AGBL4: variants seen among roughly 807,000 people sequenced by gnomAD.
AGBL4 encodes AGBL carboxypeptidase 4.
A neutral mutation model predicts 66.4 loss-of-function variants in AGBL4; 58 were observed. The observed-to-expected ratio is 0.87, with a 90% confidence interval of 0.71 to 1.09. AGBL4 has a LOEUF of 1.09. Among genes scored for constraint, AGBL4 ranks in the 50% least tolerant of loss-of-function variants. AGBL4 has a pLI of 0.00. For synonymous variants in AGBL4, 234 were observed against 222.9 expected, an observed-to-expected ratio of 1.05 and a Z score of -0.44; for missense variants, 579 against 631.0, an observed-to-expected ratio of 0.92 and a Z score of 0.88.
chr1:49,735,300 T>TGTGG (rs1455898258), intron 2 of AGBL4, among the ~76,000 whole-genome samples: 1 of 131,510 alleles, frequency 7.6e-6, no homozygotes, highest in African/African-American at 3.0e-5. Flanking sequence ...TGTGTGGGTG[T>TGTGG]GTGTGTGTGT....
In AGBL4 at chr1:48,977,494, C is replaced by T. The variant is rs564154559; in HGVS notation, c.594+68090G>A. 1.2e-4 allele frequency among the ~76,000 whole-genome samples: 18 copies of T among 152,056 alleles called. No individual in the cohort carries two copies. In the East Asian group the frequency reaches 3.1e-3, roughly 26 times the overall value. The stretch of plus-strand genomic sequence containing the variant: ...CTCACACAGTGAGAACATAGACATC[C>T]GAGACTCAAGGGTGGAAATGAGATT... On this transcript the variant is annotated intron_variant, in intron 5 of 13. Transcript: ENST00000371839.
chr1:48,571,542 T>G (rs1437325053), intron 11 of AGBL4, among the ~76,000 whole-genome samples: 2 of 152,256 alleles, frequency 1.3e-5, no homozygotes, highest in African/African-American at 4.8e-5. Context: ...ACACTCATGT[T>G]GGCATCTGCT....
chr1:49,765,544 T>C (rs1393100187), intron 2 of AGBL4, among the ~76,000 whole-genome samples: 2 of 152,140 alleles, frequency 1.3e-5, no homozygotes, highest in African/African-American at 4.8e-5. Context: ...ATGAAAAATC[T>C]CAATGCTGTG....
intron 2 of AGBL4, among the ~76,000 whole-genome samples, chr1:49,742,400 G>C (rs1271550808): frequency 6.6e-6 from 1 of 152,166 alleles, no homozygotes; most frequent in African/African-American, 2.4e-5. Flanking sequence ...CGAAATAAAA[G>C]AGAATACAAA....
chr1:49,101,763 T>A (rs1645206559), intron 4 of AGBL4, among the ~76,000 whole-genome samples: 1 of 152,150 alleles, frequency 6.6e-6, no homozygotes, highest in Non-Finnish European at 1.5e-5. Context: ...GAGGGTGTTC[T>A]GTTCCATTTT....
chr1:49,191,135 G>T lies in AGBL4; in HGVS notation c.377+54635C>A, dbSNP rs941266742. Among the ~76,000 whole-genome samples, 6 of 152,296 alleles carry T rather than the reference G, an allele frequency of 3.9e-5. 1 individual carries two copies. The highest frequency in any genetic ancestry group is 7.4e-5 in the Non-Finnish European group (5 of 68,024). ...AAAGAGTTTGCTATCTGGTGGAATG[G>T]AAAGTTCCTTAAACAGTCAACTCAG... On this transcript the variant is annotated intron_variant, in intron 4 of 13. Transcript: ENST00000371839.
chr1:49,000,944 T>TA (rs765005676), intron 5 of AGBL4, among the ~76,000 whole-genome samples: 21 of 152,126 alleles, frequency 1.4e-4, no homozygotes, highest in Non-Finnish European at 2.9e-4. Context: ...AGGACAGGTA[T>TA]AGTGAAGTGA....
chr1:49,098,537 A>G (rs1441630095), intron 4 of AGBL4, among the ~76,000 whole-genome samples: 1 of 152,228 alleles, frequency 6.6e-6, no homozygotes, highest in African/African-American at 2.4e-5. Context: ...AGCCATAGCA[A>G]TAGGTCAGGA....
intron 1 of AGBL4, among the ~76,000 whole-genome samples, chr1:49,980,860 G>A (rs746001921): frequency 3.3e-5 from 5 of 152,038 alleles, no homozygotes; most frequent in Non-Finnish European, 5.9e-5. Flanking sequence ...AAACACTCTG[G>A]CTAATTGTAT....
At chr1:49,725,116 C>A (rs1283818154) in intron 2 of AGBL4, among the ~76,000 whole-genome samples, 1 of 152,078 alleles carries the variant, frequency 6.6e-6, no homozygotes, top group Non-Finnish European at 1.5e-5. Context: ...ACATTTTCCT[C>A]TCCTGTCAGA....
intron 1 of AGBL4, among the ~76,000 whole-genome samples, chr1:49,935,470 T>G (rs1224095347): frequency 1.3e-5 from 2 of 152,152 alleles, no homozygotes. Flanking sequence ...CTGACAGCTT[T>G]GAAGAGAGCA....
intron 2 of AGBL4, among the ~76,000 whole-genome samples, chr1:49,781,160 C>T (rs572496931): frequency 7.2e-5 from 11 of 152,142 alleles, no homozygotes; most frequent in South Asian, 2.1e-4. Context: ...GGGGCCAAAG[C>T]GGGAGGACTG....
At chr1:49,368,948 G>T (rs537938058) in intron 3 of AGBL4, among the ~76,000 whole-genome samples, 1 of 152,030 alleles carries the variant, frequency 6.6e-6, no homozygotes, top group African/African-American at 2.4e-5. Context: ...GGTGGCACAC[G>T]CCTGTATTCC....
At chr1:49,483,648 C>T (rs989612821) in intron 3 of AGBL4, among the ~76,000 whole-genome samples, 3 of 151,842 alleles carry the variant, frequency 2.0e-5, no homozygotes, top group African/African-American at 4.8e-5. Context: ...AAAACTACTA[C>T]AAAACACATT....
chr1:49,863,595 T>C (rs762985629), intron 1 of AGBL4, among the ~76,000 whole-genome samples: 2 of 152,160 alleles, frequency 1.3e-5, no homozygotes, highest in Non-Finnish European at 2.9e-5. Flanking sequence ...AGAAAATTTC[T>C]AATAATCTAA....
At chr1:48,885,738 T>G (rs533725076) in intron 5 of AGBL4, among the ~76,000 whole-genome samples, 59 of 152,176 alleles carry the variant, frequency 3.9e-4, no homozygotes, top group African/African-American at 1.3e-3. Context: ...CCATCATGGG[T>G]GCCTAGAGGC....
chr1:49,505,209 T>G (rs1219081094), intron 3 of AGBL4, among the ~76,000 whole-genome samples: 1 of 151,952 alleles, frequency 6.6e-6, no homozygotes, highest in Non-Finnish European at 1.5e-5. Flanking sequence ...TTGTAGCTAT[T>G]GTTTTTACTA....
At chr1:49,193,769 G>A (rs554203382) in intron 4 of AGBL4, among the ~76,000 whole-genome samples, 25 of 152,012 alleles carry the variant, frequency 1.6e-4, no homozygotes, top group African/African-American at 5.8e-4. Flanking sequence ...TCCTGACCTC[G>A]TGATCTGCCC....
rs199980115 is a variant in AGBL4, at chr1:48,792,402, G to A, written c.634+74789C>T. 7.2e-5 allele frequency among the ~76,000 whole-genome samples: 11 copies of A among 152,246 alleles called. No individual in the cohort carries two copies. The East Asian group carries it at 2.1e-3, about 29-fold the overall frequency. On this transcript the variant is annotated intron_variant, in intron 6 of 13. Coordinates refer to ENST00000371839, the MANE Select transcript of AGBL4 (RefSeq NM_032785.4). ...GTGACCCAGTTTGTGGCATCCCTAGGAAACCAATAGAATTGGGAGATATGC... is the reference window on the plus strand; with the variant it reads ...GTGACCCAGTTTGTGGCATCCCTAGAAAACCAATAGAATTGGGAGATATGC...
Sources: gnomAD v4.1 joint callset for allele counts (sites outside exome capture counted in the v4.1 genomes callset) on GRCh38, gnomAD v4.1.1 for gene constraint, MANE v1.5 for transcripts, NCBI Gene and HGNC (gene_info 2026-07-23, HGNC 2026-07-21) for gene names.